The following ATG4B variants were observed in gnomAD, a reference collection of about 807,000 sequenced individuals.
ATG4B encodes autophagy related 4B cysteine peptidase, also known as cysteine protease ATG4B.
A neutral mutation model predicts 56.6 loss-of-function variants in ATG4B; 29 were observed. The observed-to-expected ratio is 0.51, with a 90% CI of 0.38 to 0.70. The LOEUF (loss-of-function observed/expected upper bound fraction) is 0.70. Ranked by LOEUF, ATG4B falls within the 30% of genes least tolerant of loss-of-function variation. ATG4B has a pLI of 0.00. For missense variants in ATG4B, 461 were observed against 515.5 expected, an observed-to-expected ratio of 0.89 and a Z score of 1.02; for synonymous variants, 224 against 206.1, an observed-to-expected ratio of 1.09 and a Z score of -0.74.
At chr2:241,656,376 C>T (rs926103640) in intron 6 of ATG4B, among the ~76,000 whole-genome samples, 1 of 152,014 alleles carries the variant, frequency 6.6e-6, no homozygotes, top group African/African-American at 2.4e-5. Flanking sequence ...CTGTGTTTGG[C>T]GTGGCACCTG....
intron 10 of ATG4B, among the ~76,000 whole-genome samples, chr2:241,669,351 C>T (rs150987394): frequency 0.029 from 4,465 of 152,280 alleles, 99 homozygotes; most frequent in Middle Eastern, 0.092. Flanking sequence ...GTGGATGCTC[C>T]GCCCCATTTA....
intron 7 of ATG4B, among the ~76,000 whole-genome samples, chr2:241,663,415 C>T (rs1229605044): frequency 4.6e-5 from 7 of 151,946 alleles, no homozygotes; most frequent in South Asian, 4.1e-4. Context: ...GAAACTAATG[C>T]GGAATAAAAT....
At chr2:241,670,591 A>C (rs1456686206) in intron 10 of ATG4B, 135 bp from the exon 11 acceptor site, 1 of 852,822 alleles carries the variant, frequency 1.2e-6, no homozygotes, top group Non-Finnish European at 1.9e-6. Context: ...CACAGGAGCC[A>C]AGGCAGGCTG....
intron 7 of ATG4B, among the ~76,000 whole-genome samples, chr2:241,665,347 T>C (rs921562370): frequency 1.3e-5 from 2 of 152,184 alleles, no homozygotes; most frequent in Admixed American, 1.3e-4. Flanking sequence ...ACGCCACGAC[T>C]CACCAGGGTC....
At chr2:241,666,163 A>G (rs773093375) in intron 7 of ATG4B, among the ~76,000 whole-genome samples, 6 of 152,078 alleles carry the variant, frequency 3.9e-5, no homozygotes, top group Non-Finnish European at 5.9e-5. Context: ...GGCATGCTCC[A>G]TGCTCCCGGA....
In ATG4B at chr2:241,668,595, T is replaced by G; in HGVS notation, c.867T>G (p.Thr289=). The G allele has an allele frequency of 6.2e-7, 1 of 1,604,962 alleles. No individual in the cohort carries two copies. The highest frequency in any genetic ancestry group is 8.5e-7 in the Non-Finnish European group (1 of 1,176,790). The change falls in exon 10 of 13, where the codon ACT becomes ACG. Residue 289 remains threonine (T), a synonymous_variant. Coordinates refer to ENST00000404914, the MANE Select transcript of ATG4B (RefSeq NM_013325.5). This position sits in a 1 kb window ranked among gnomAD's most constrained non-coding sequence, Gnocchi z 4.2. ...CCACGCAGCCAGCCGTGGAGCCCAC[T>G]GATGGCTGCTTCATCCCGGACGAGA... ...PHTTQPAVEP[T]DGCFIPDESF...
chr2:241,662,540 G>A (rs538307137), intron 7 of ATG4B, among the ~76,000 whole-genome samples: 2 of 152,200 alleles, frequency 1.3e-5, no homozygotes, highest in Admixed American at 6.5e-5. Flanking sequence ...TGTTTGTGAC[G>A]TGGTAGGTCA....
At position 241,645,626 on chromosome 2, in the gene ATG4B, C is replaced by T. The variant is rs568654224; in HGVS notation, c.11-5384C>T. The stretch of plus-strand genomic sequence containing the variant: ...AGAAGGTCACTAGCCTGTAAGGTTG[C>T]GTGACTGCTCAGTGGTGGGCTCAGA... On this transcript the variant is annotated intron_variant, in intron 1 of 12. Coordinates refer to ENST00000404914, the MANE Select transcript of ATG4B (RefSeq NM_013325.5). 1.3e-3 allele frequency among the ~76,000 whole-genome samples: 199 copies of T among 152,254 alleles called. 1 individual carries two copies. Among genetic ancestry groups the T allele is most frequent in the African/African-American group, 4.4e-3 (181 of 41,542 alleles).
Position 241,666,718 on chromosome 2 carries a change from C to T in ATG4B, c.612C>T (p.Asn204=), listed in dbSNP as rs140059812. Reference sequence around the variant, plus strand: ...CTGCAGATTCCGACCGGCACTGCAACGGATTCCCTGCCGGAGCTGAGGTCA... The same window carrying T: ...CTGCAGATTCCGACCGGCACTGCAATGGATTCCCTGCCGGAGCTGAGGTCA... ...AFPADSDRHC[N]GFPAGAEVTN... The change falls in exon 8 of 13, where the codon AAC becomes AAT. Residue 204 remains asparagine, a synonymous_variant. Coordinates refer to ENST00000404914, the MANE Select transcript of ATG4B (RefSeq NM_013325.5). 2,686 of 1,612,584 alleles carry T rather than the reference C, an allele frequency of 1.7e-3. 26 individuals carry two copies. The East Asian group carries it at 0.021, about 12-fold the overall frequency.
intron 6 of ATG4B, among the ~76,000 whole-genome samples, chr2:241,658,586 C>T (rs2068489931): frequency 6.6e-6 from 1 of 151,988 alleles, no homozygotes. Context: ...ATCTGCCCTT[C>T]CCTCAGAAGG....
At chr2:241,670,310 C>T (rs1215565145) in intron 10 of ATG4B, among the ~76,000 whole-genome samples, 1 of 152,100 alleles carries the variant, frequency 6.6e-6, no homozygotes. Flanking sequence ...GGGCAGTTCT[C>T]GGTGGCCTTT....
chr2:241,641,765 A>G (rs576221426), intron 1 of ATG4B, among the ~76,000 whole-genome samples: 35 of 152,194 alleles, frequency 2.3e-4, no homozygotes, highest in Non-Finnish European at 4.3e-4. Context: ...ACATCAGATG[A>G]GGTCACCCAG....
rs756841905 is a variant in ATG4B, at chr2:241,668,172, C to T, written c.762C>T (p.Gly254=). Residue 254 remains glycine (G), a synonymous_variant, in exon 9 of 13, where the codon GGC becomes GGT. Transcript: ENST00000404914. The surrounding 1 kb of genome is among the most constrained non-coding windows in gnomAD (Gnocchi z 4.2). ...GCTTCATGATGCCCCAGTCCCTGGG[C>T]GTCATCGGAGGGAAGCCCAACAGCG... ...KHCFMMPQSL[G]VIGGKPNSAH... is the part of the protein sequence containing the mutation. The T allele has an allele frequency of 1.2e-5, 20 of 1,606,236 alleles. No individual in the cohort carries two copies. The highest frequency in any genetic ancestry group is 2.2e-5 in the East Asian group (1 of 44,448).
chr2:241,641,387 A>G (rs2067882510), intron 1 of ATG4B, among the ~76,000 whole-genome samples: 1 of 152,168 alleles, frequency 6.6e-6, no homozygotes, highest in Non-Finnish European at 1.5e-5. Flanking sequence ...CGTCGCTACT[A>G]AAAATACAAA....
At chr2:241,655,572 C>G (rs2068372858) in intron 6 of ATG4B, 1 of 564,690 alleles carries the variant, frequency 1.8e-6, no homozygotes, top group Non-Finnish European at 3.1e-6. Flanking sequence ...ACATTGGACC[C>G]TTGTTCTTTG....
chr2:241,651,962 AC>A lies in ATG4B; in HGVS notation c.184+628del, dbSNP rs769313383. 1 of 1,304,042 alleles carries A rather than the reference AC, an allele frequency of 7.7e-7. No homozygotes were observed. Among genetic ancestry groups the A allele is most frequent in the South Asian group, 1.2e-5 (1 of 81,020 alleles). 80.8% of individuals were successfully genotyped at this position (1,304,042 alleles called of 1,614,324 possible). On this transcript the variant is annotated intron_variant, in intron 3 of 12. Transcript: ENST00000404914. The surrounding 1 kb of genome is among the most constrained non-coding windows in gnomAD (Gnocchi z 4.1). Reference sequence around the variant, plus strand: ...CAGCCTTGCCTCTCACCGGCGGAGAACTGAGGCCGGAGGTGAGGGCCGGGCT... The same window carrying A: ...CAGCCTTGCCTCTCACCGGCGGAGAATGAGGCCGGAGGTGAGGGCCGGGCT...
chr2:241,643,643 T>C (rs893867097), intron 1 of ATG4B, among the ~76,000 whole-genome samples: 3 of 142,026 alleles, frequency 2.1e-5, no homozygotes, highest in South Asian at 2.3e-4. Flanking sequence ...TATACACATA[T>C]ATGTATAAAT....
intron 6 of ATG4B, among the ~76,000 whole-genome samples, chr2:241,658,837 C>G (rs549794837): frequency 6.6e-6 from 1 of 152,320 alleles, no homozygotes; most frequent in African/African-American, 2.4e-5. Flanking sequence ...GACCAGAAAA[C>G]CAGGCCACTC....
At chr2:241,656,586 C>T (rs140588332) in intron 6 of ATG4B, among the ~76,000 whole-genome samples, 7,638 of 152,346 alleles carry the variant, frequency 0.05, 374 homozygotes, top group African/African-American at 0.13. Flanking sequence ...GCCCCCGCCC[C>T]TGTTGCTGGA....
Sources: gnomAD v4.1 joint callset for allele counts (sites outside exome capture counted in the v4.1 genomes callset) on GRCh38, gnomAD v4.1.1 for gene constraint, Gnocchi (gnomAD v3.1) non-coding constraint, MANE v1.5 for transcripts, NCBI Gene and HGNC (gene_info 2026-07-23, HGNC 2026-07-21) for gene names.